MAP3K9: variants seen among roughly 807,000 people sequenced by gnomAD.
The protein encoded by MAP3K9 is mitogen-activated protein kinase kinase kinase 9, also known as mixed lineage kinase 1 (tyr and ser/thr specificity).
In MAP3K9, 46 loss-of-function variants were observed where a neutral mutation model predicts 95.8. The ratio of observed to expected loss-of-function variants is 0.48; its 90% CI spans 0.38 to 0.61. The LOEUF (loss-of-function observed/expected upper bound fraction) is 0.61, where lower values mean the gene tolerates loss of function less well. MAP3K9 is among the 20% of genes least tolerant of loss of function. The pLI is 0.00. For missense variants in MAP3K9, 1,296 were observed against 1,474.3 expected (o/e 0.88, Z 1.98); for synonymous variants, 533 against 593.8 (o/e 0.90, Z 1.49).
rs950068696 is a variant in MAP3K9, at chr14:70,725,786, T to C, written c.*4594A>G. ...GTACATTAGGGTGAACCATATGAAATAGCTGATATTCGACTGTTTTTGACG... is the reference window on the plus strand; with the variant it reads ...GTACATTAGGGTGAACCATATGAAACAGCTGATATTCGACTGTTTTTGACG... On this transcript the variant is annotated 3_prime_UTR_variant, in exon 12 of 12. Transcript: ENST00000554752. The C allele has an allele frequency of 6.6e-6, 1 of 151,928 alleles. No homozygotes were observed. The highest frequency in any genetic ancestry group is 1.9e-4 in the East Asian group (1 of 5,170). 9.4% of individuals were successfully genotyped at this position (151,928 alleles called of 1,614,324 possible). A position where few individuals can be genotyped will look rare whatever the true frequency, so the allele number is the denominator to read the frequency against.
At position 70,740,066 on chromosome 14, in the gene MAP3K9, T is replaced by C; in HGVS notation, c.1666A>G (p.Ile556Val). 1.2e-6 allele frequency: 2 copies of C among 1,614,070 alleles called. No homozygotes were observed. Among genetic ancestry groups the C allele is most frequent in the South Asian group, 1.1e-5 (1 of 91,064 alleles). The change falls in exon 7 of 12, where the codon ATT (isoleucine) becomes GTT (valine). Residue 556 changes from isoleucine to valine, a missense_variant. Physicochemically the swap from Ile to Val is conservative, Grantham distance 29. Transcript: ENST00000554752. ...RSSPPASPTI[I>V]PRLRAIQLTP... ...CACTGGATGGCTCGAAGGCGAGGAA[T>C]GATGGTGGGGCTTGCAGGAGGACTG...
At chr14:70,793,513 C>A (rs1451275683) in intron 2 of MAP3K9, among the ~76,000 whole-genome samples, 7 of 151,996 alleles carry the variant, frequency 4.6e-5, no homozygotes, top group African/African-American at 2.4e-5. Context: ...ACGGCGAGAC[C>A]CTGTCTCTAC....
At chr14:70,802,401 C>G (rs1043447961) in intron 1 of MAP3K9, among the ~76,000 whole-genome samples, 1 of 152,178 alleles carries the variant, frequency 6.6e-6, no homozygotes, top group African/African-American at 2.4e-5. Flanking sequence ...AGAATTTGAA[C>G]CTAAGGTACT....
At chr14:70,745,642 G>A (rs1473666022) in intron 5 of MAP3K9, among the ~76,000 whole-genome samples, 1 of 152,072 alleles carries the variant, frequency 6.6e-6, no homozygotes, top group Non-Finnish European at 1.5e-5. Flanking sequence ...GGAGGCTGAG[G>A]CAGGAGAATT....
Position 70,730,880 on chromosome 14 carries a change from A to G in MAP3K9, c.2831-16T>C. ...TTCAACATTCCTGGTCAAAAAGACA[A>G]AAGGAGAAGCATCAGATGAGGCACC... On this transcript the variant is annotated splice_polypyrimidine_tract_variant and intron_variant, in intron 11 of 11. Coordinates refer to ENST00000554752, the MANE Select transcript of MAP3K9 (RefSeq NM_001284230.2). 1 of 1,589,098 alleles carries G rather than the reference A, an allele frequency of 6.3e-7. No homozygotes were observed. Among genetic ancestry groups the G allele is most frequent in the Non-Finnish European group, 8.5e-7 (1 of 1,171,420 alleles).
chr14:70,787,725 T>G (rs754792688), intron 2 of MAP3K9, among the ~76,000 whole-genome samples: 1 of 151,940 alleles, frequency 6.6e-6, no homozygotes, highest in African/African-American at 2.4e-5. Context: ...ATGAAATAGA[T>G]ATATAAAAGC....
intron 2 of MAP3K9, among the ~76,000 whole-genome samples, chr14:70,798,109 C>T (rs571256502): frequency 6.6e-6 from 1 of 152,194 alleles, no homozygotes; most frequent in Non-Finnish European, 1.5e-5. Flanking sequence ...AACAGAATGA[C>T]ACTCAGGTCT....
chr14:70,807,160 G>C (rs1407228314), intron 1 of MAP3K9, among the ~76,000 whole-genome samples: 1 of 152,166 alleles, frequency 6.6e-6, no homozygotes, highest in Non-Finnish European at 1.5e-5. Flanking sequence ...CAAGCGAAGA[G>C]GCTATGATTT....
chr14:70,796,075 C>A (rs1032924035), intron 2 of MAP3K9, among the ~76,000 whole-genome samples: 1 of 152,144 alleles, frequency 6.6e-6, no homozygotes, highest in Non-Finnish European at 1.5e-5. Context: ...CTTTTAATGG[C>A]CACTATTAAA....
chr14:70,738,490 T>G, intron 7 of MAP3K9, 92 bp from the exon 8 acceptor site: 2 of 1,128,152 alleles, frequency 1.8e-6, no homozygotes. Context: ...ACACACACAT[T>G]TGGAGCTGCA....
intron 3 of MAP3K9, among the ~76,000 whole-genome samples, chr14:70,756,014 C>T (rs1177548584): frequency 6.6e-6 from 1 of 152,206 alleles, no homozygotes; most frequent in African/African-American, 2.4e-5. Context: ...AGAGGCTCTT[C>T]CTTCAAGCCT....
chr14:70,809,439 G>A lies in MAP3K9; in HGVS notation c.-268C>T. Reference sequence around the variant, plus strand: ...CGCTCGCCCCCCCGGGGGCGGCCTCGTCACCTCTGCCGCCGGTACCTGCTC... The same window carrying A: ...CGCTCGCCCCCCCGGGGGCGGCCTCATCACCTCTGCCGCCGGTACCTGCTC... On this transcript the variant is annotated 5_prime_UTR_variant, in exon 1 of 12. The change creates a new upstream start codon in the 5' untranslated region. Transcript: ENST00000554752. The A allele has an allele frequency of 3.4e-6, 1 of 297,576 alleles. No homozygotes were observed. The highest frequency in any genetic ancestry group is 5.5e-5 in the East Asian group (1 of 18,102). 18.4% of individuals were successfully genotyped at this position (297,576 alleles called of 1,614,324 possible).
intron 2 of MAP3K9, among the ~76,000 whole-genome samples, chr14:70,764,103 GT>G (rs2054413341): frequency 7.0e-6 from 1 of 142,326 alleles, no homozygotes; most frequent in Admixed American, 7.2e-5. Flanking sequence ...GGAGAATGGC[GT>G]GAACCCGGGA....
intron 1 of MAP3K9, among the ~76,000 whole-genome samples, chr14:70,807,113 T>C (rs1448164992): frequency 1.3e-5 from 2 of 152,158 alleles, no homozygotes; most frequent in Non-Finnish European, 2.9e-5. Context: ...ATCGATTTGA[T>C]AGTCAAAACA....
chr14:70,754,261 T>C (rs2054268802), intron 3 of MAP3K9, among the ~76,000 whole-genome samples: 1 of 152,230 alleles, frequency 6.6e-6, no homozygotes, highest in Non-Finnish European at 1.5e-5. Context: ...TATTTATTAA[T>C]GTGGTTATGT....
chr14:70,742,342 G>A lies in MAP3K9; in HGVS notation c.1567+9C>T, dbSNP rs750464943. Reference sequence around the variant, plus strand: ...GCTCCCACTTCCCAGCCAGTCCCCGGCCACTGACCAGAAGGGAGGCTGATG... The same window carrying A: ...GCTCCCACTTCCCAGCCAGTCCCCGACCACTGACCAGAAGGGAGGCTGATG... On this transcript the variant is annotated intron_variant, in intron 6 of 11. Transcript: ENST00000554752. 4 of 1,612,204 alleles carry A rather than the reference G, an allele frequency of 2.5e-6. No homozygotes were observed. In the South Asian group the frequency reaches 4.4e-5, roughly 18 times the overall value.
chr14:70,787,195 A>T (rs1233394152), intron 2 of MAP3K9, among the ~76,000 whole-genome samples: 1 of 152,048 alleles, frequency 6.6e-6, no homozygotes, highest in East Asian at 1.9e-4. Context: ...AAGGATTTGC[A>T]GAGAAAGATC....
At chr14:70,742,303 G>A (rs1467938160) in intron 6 of MAP3K9, 48 bp downstream of exon 6, 7 of 1,590,476 alleles carry the variant, frequency 4.4e-6, no homozygotes, top group Admixed American at 3.4e-5. Context: ...TCTGCCACAC[G>A]AGTTCTTTGC....
intron 2 of MAP3K9, among the ~76,000 whole-genome samples, chr14:70,774,431 C>T (rs891887198): frequency 3.9e-5 from 6 of 152,000 alleles, no homozygotes; most frequent in Admixed American, 1.3e-4. Context: ...TTTGGGAGGT[C>T]GAGGCGGGTG....
Sources: allele counts gnomAD v4.1 joint callset (sites outside exome capture counted in the v4.1 genomes callset), GRCh38; gene constraint gnomAD v4.1.1; transcripts MANE v1.5; gene names NCBI Gene and HGNC (gene_info 2026-07-23, HGNC 2026-07-21).